Variants in ZMYM4 observed in about 807,000 individuals in gnomAD.
ZMYM4 encodes the protein zinc finger MYM-type containing 4.
A neutral mutation model predicts 183.2 loss-of-function variants in ZMYM4; 31 were observed. That is an observed-to-expected ratio of 0.17 (90% CI 0.13 to 0.23). ZMYM4 has a LOEUF of 0.23. Ranked by LOEUF, ZMYM4 falls within the 10% of genes least tolerant of loss-of-function variation. ZMYM4 has a pLI of 1.00. For synonymous variants in ZMYM4, 592 were observed against 631.2 expected (o/e 0.94, Z 0.93); for missense variants, 1,273 against 1,840.3 (o/e 0.69, Z 5.64).
chr1:35,280,177 CCCCTT>C (rs141512700), intron 1 of ZMYM4, among the ~76,000 whole-genome samples: 3,438 of 148,122 alleles, frequency 0.023, 116 homozygotes, highest in African/African-American at 0.077. Flanking sequence ...CCTCCCTTCC[CCCCTT>C]CCCTTCCCTT....
chr1:35,412,770 T>G (rs1300364378), intron 26 of ZMYM4, among the ~76,000 whole-genome samples: 2 of 152,136 alleles, frequency 1.3e-5, no homozygotes, highest in Admixed American at 6.5e-5. Flanking sequence ...AACTGTAATC[T>G]GCCAATAAGT....
At chr1:35,410,294 G>T (rs954021347) in intron 26 of ZMYM4, among the ~76,000 whole-genome samples, 1 of 151,990 alleles carries the variant, frequency 6.6e-6, no homozygotes, top group African/African-American at 2.4e-5. Context: ...CAAGTCCTTT[G>T]CCTAATTTTT....
intron 1 of ZMYM4, among the ~76,000 whole-genome samples, chr1:35,320,715 T>G (rs2148810289): frequency 6.6e-6 from 1 of 152,324 alleles, no homozygotes; most frequent in Middle Eastern, 3.4e-3. Flanking sequence ...AGAATTGAAG[T>G]GAATTATAGG....
intron 1 of ZMYM4, among the ~76,000 whole-genome samples, chr1:35,321,356 C>T (rs1642274319): frequency 6.6e-6 from 1 of 152,096 alleles, no homozygotes; most frequent in Non-Finnish European, 1.5e-5. Context: ...TGAATTAAGA[C>T]TGGAAAAGCT....
intron 2 of ZMYM4, among the ~76,000 whole-genome samples, chr1:35,325,708 CTTTTA>C (rs1159514679): frequency 6.6e-6 from 1 of 151,672 alleles, no homozygotes; most frequent in Non-Finnish European, 1.5e-5. Flanking sequence ...GGGTTAAGGT[CTTTTA>C]TTTTCTTTTA....
chr1:35,360,007 A>G lies in ZMYM4; in HGVS notation c.607+561A>G, dbSNP rs552373177. On this transcript the variant is annotated intron_variant, in intron 3 of 29. Transcript: ENST00000314607. ...ACCCTATACTTTAGCTTTAGTTAACATTCTTGAATATATCACATATTTCCT... is the reference window on the plus strand; with the variant it reads ...ACCCTATACTTTAGCTTTAGTTAACGTTCTTGAATATATCACATATTTCCT... Among the ~76,000 whole-genome samples, 11 of 152,002 alleles carry G rather than the reference A, an allele frequency of 7.2e-5. No individual in the cohort carries two copies. The South Asian group carries it at 1.9e-3, about 26-fold the overall frequency.
At chr1:35,361,303 A>G (rs1643931193) in intron 4 of ZMYM4, 48 bp downstream of exon 4, 1 of 1,527,156 alleles carries the variant, frequency 6.5e-7, no homozygotes, top group Non-Finnish European at 8.8e-7. Flanking sequence ...GACAAGTGTC[A>G]AAGTTTTCTT....
chr1:35,396,128 G>T (rs1644804980), intron 18 of ZMYM4, among the ~76,000 whole-genome samples: 3 of 151,566 alleles, frequency 2.0e-5, no homozygotes, highest in African/African-American at 7.3e-5. Context: ...AATCTTTTTT[G>T]ATGTCATTTT....
At chr1:35,311,291 A>G (rs185805235) in intron 1 of ZMYM4, among the ~76,000 whole-genome samples, 2 of 152,134 alleles carry the variant, frequency 1.3e-5, no homozygotes, top group East Asian at 3.9e-4. Context: ...GCATGGTGGC[A>G]TGCACCTGTA....
chr1:35,408,563 C>T (rs1466946030), intron 26 of ZMYM4, among the ~76,000 whole-genome samples: 2 of 152,034 alleles, frequency 1.3e-5, no homozygotes, highest in Non-Finnish European at 2.9e-5. Flanking sequence ...CATAGGGAGA[C>T]ACTATCTCTA....
chr1:35,385,641 G>A, intron 10 of ZMYM4, 49 bp downstream of exon 10: 12 of 1,536,038 alleles, frequency 7.8e-6, no homozygotes, highest in Non-Finnish European at 9.6e-6. Context: ...AAAAATAATG[G>A]TTATTGCTTT....
At chr1:35,284,138 T>G (rs600510) in intron 1 of ZMYM4, among the ~76,000 whole-genome samples, 37,795 of 150,890 alleles carry the variant, frequency 0.25, 9,970 homozygotes, top group East Asian at 0.77. Context: ...CACCGCGCCC[T>G]GCTAATTTTT....
Position 35,409,112 on chromosome 1 carries a change from A to C in ZMYM4, c.3948+953A>C, listed in dbSNP as rs572525388. Among the ~76,000 whole-genome samples, 38 of 152,244 alleles carry C rather than the reference A, an allele frequency of 2.5e-4. 1 individual carries two copies. Among genetic ancestry groups the C allele is most frequent in the Non-Finnish European group, 5.3e-4 (36 of 68,044 alleles). ...TCCATGTTTTAGCATGAATCAATAT[A>C]GCATTCCTTTTTATGGCTGAATAAT... On this transcript the variant is annotated intron_variant, in intron 26 of 29. Coordinates refer to ENST00000314607, the MANE Select transcript of ZMYM4 (RefSeq NM_005095.3).
At chr1:35,398,327 A>G in intron 20 of ZMYM4, 86 bp from the exon 21 acceptor site, 2 of 1,122,564 alleles carry the variant, frequency 1.8e-6, no homozygotes, top group Non-Finnish European at 2.6e-6. Flanking sequence ...TTGTAGTATG[A>G]TTGATGTATA....
chr1:35,311,863 CA>C (rs1258705048), intron 1 of ZMYM4, among the ~76,000 whole-genome samples: 3 of 152,034 alleles, frequency 2.0e-5, no homozygotes, highest in Non-Finnish European at 1.5e-5. Context: ...GATATTATTT[CA>C]CTTTTGTATG....
At chr1:35,278,047 C>G (rs1294578925) in intron 1 of ZMYM4, among the ~76,000 whole-genome samples, 1 of 152,100 alleles carries the variant, frequency 6.6e-6, no homozygotes, top group Non-Finnish European at 1.5e-5. Flanking sequence ...AGTCCAAAAT[C>G]AAGGCTCTAG....
Position 35,268,955 on chromosome 1 carries a change from G to C in ZMYM4, c.-92G>C, listed in dbSNP as rs1342638824. ...GGGTCCGGGGAAGCTGCCGCGAGGC[G>C]GCCGTGCCTGCAGTGTGGGCGGGGG... On this transcript the variant is annotated 5_prime_UTR_variant, in exon 1 of 30. Coordinates refer to ENST00000314607, the MANE Select transcript of ZMYM4 (RefSeq NM_005095.3). 2.3e-6 allele frequency: 3 copies of C among 1,321,842 alleles called. No individual in the cohort carries two copies. The highest frequency in any genetic ancestry group is 1.9e-6 in the Non-Finnish European group (2 of 1,030,200). 81.9% of individuals were successfully genotyped at this position (1,321,842 alleles called of 1,614,324 possible).
chr1:35,403,779 A>G (rs968150133), intron 23 of ZMYM4, among the ~76,000 whole-genome samples: 2 of 152,174 alleles, frequency 1.3e-5, no homozygotes, highest in African/African-American at 4.8e-5. Context: ...TTCTTTAACT[A>G]TGATAGAATT....
chr1:35,273,065 C>T (rs1198451116), intron 1 of ZMYM4, among the ~76,000 whole-genome samples: 1 of 152,128 alleles, frequency 6.6e-6, no homozygotes, highest in East Asian at 1.9e-4. Flanking sequence ...TCTAGGTAGG[C>T]CTGCCTGATG....
Sources: gnomAD v4.1 joint callset for allele counts (sites outside exome capture counted in the v4.1 genomes callset) on GRCh38, gnomAD v4.1.1 for gene constraint, MANE v1.5 for transcripts, NCBI Gene and HGNC (gene_info 2026-07-23, HGNC 2026-07-21) for gene names.